Variants in SRSF3 observed in about 807,000 individuals in gnomAD.
The protein encoded by SRSF3 is serine and arginine rich splicing factor 3.
For missense variants in SRSF3, 58 were observed against 217.1 expected (o/e 0.27, Z 4.61); for synonymous variants, 87 against 73.6 (o/e 1.18, Z -0.93).
chr6:36,596,574 C>CGGGGGGGGGGGGGGGGGGGGGGGGG (rs34650091), intron 1 of SRSF3, among the ~76,000 whole-genome samples, 187 bp from the exon 2 acceptor site: 2 of 91,958 alleles, frequency 2.2e-5, no homozygotes, highest in South Asian at 3.9e-4. Context: ...GGCGGGGTGG[C>CGGGGGGGGGGGGGGGGGGGGGGGGG]GGGGGGGGGG....
chr6:36,601,686 T>A, intron 4 of SRSF3, 22 bp from the exon 5 acceptor site: 1 of 1,576,298 alleles, frequency 6.3e-7, no homozygotes, highest in South Asian at 1.1e-5. Context: ...TCATTGGTCC[T>A]AATGTTTTTT....
Position 36,603,570 on chromosome 6 carries a change from ATTAT to A in SRSF3, c.*1588_*1591del, listed in dbSNP as rs567436963. 1.4e-3 allele frequency: 328 copies of A among 228,340 alleles called. 1 individual carries two copies. The highest frequency in any genetic ancestry group is 6.1e-3 in the African/African-American group (274 of 45,220). The allele number at this position is 228,340 out of a possible 1,614,324, so 14.1% of individuals were successfully genotyped here. ...ACATTAAGATACAGTTCCTAAACAA[ATTAT>A]TTATTTCCACCTTTTACACAAATCT... On this transcript the variant is annotated 3_prime_UTR_variant, in exon 6 of 6. Coordinates refer to ENST00000373715, the MANE Select transcript of SRSF3 (RefSeq NM_003017.5).
At chr6:36,595,605 T>C (rs926393331) in intron 1 of SRSF3, among the ~76,000 whole-genome samples, 2 of 152,368 alleles carry the variant, frequency 1.3e-5, no homozygotes, top group Non-Finnish European at 2.9e-5. Flanking sequence ...CTTTTATGTC[T>C]GGCTTCTTTA....
intron 1 of SRSF3, among the ~76,000 whole-genome samples, chr6:36,596,354 TTTTA>T (rs1372674487): frequency 1.3e-5 from 2 of 152,168 alleles, no homozygotes; most frequent in African/African-American, 2.4e-5. Context: ...TTCATCATTG[TTTTA>T]TTTAGTTTTG....
intron 1 of SRSF3, 95 bp from the exon 2 acceptor site, chr6:36,596,664 ACT>A (rs1778635496): frequency 8.1e-6 from 9 of 1,115,792 alleles, no homozygotes; most frequent in South Asian, 2.7e-5. Context: ...GCTACCTTAA[ACT>A]CTCTTGTCCT....
rs1778729567 is a variant in SRSF3 at position 36,602,228 on chromosome 6, CA to C, written c.*243del. 4.0e-6 allele frequency: 3 copies of C among 745,796 alleles called. No homozygotes were observed. The highest frequency in any genetic ancestry group is 6.2e-5 in the East Asian group (2 of 32,156). The allele number at this position is 745,796 out of a possible 1,614,324, so 46.2% of individuals were successfully genotyped here. A position where few individuals can be genotyped will look rare whatever the true frequency, so the allele number is the denominator to read the frequency against. ...TGTTACTTTACAATGTTCCCTTAAG[CA>C]AAATTGAATTTGCTTTGAACTTTTA... On this transcript the variant is annotated 3_prime_UTR_variant, in exon 6 of 6. Coordinates refer to ENST00000373715, the MANE Select transcript of SRSF3 (RefSeq NM_003017.5).
In SRSF3 at chr6:36,602,209, T is replaced by G; in HGVS notation, c.*220T>G. ...GGCATGTAATACCAAGAATTGTTAC[T>G]TTACAATGTTCCCTTAAGCAAAATT... On this transcript the variant is annotated 3_prime_UTR_variant, in exon 6 of 6. Coordinates refer to ENST00000373715, the MANE Select transcript of SRSF3 (RefSeq NM_003017.5). The G allele has an allele frequency of 1.1e-6, 1 of 905,826 alleles. No individual in the cohort carries two copies. Among genetic ancestry groups the G allele is most frequent in the Non-Finnish European group, 1.5e-6 (1 of 649,858 alleles). The allele number at this position is 905,826 out of a possible 1,614,324, so 56.1% of individuals were successfully genotyped here. A position where few individuals can be genotyped will look rare whatever the true frequency, so the allele number is the denominator to read the frequency against.
At chr6:36,597,840 C>A (rs183477669) in intron 2 of SRSF3, among the ~76,000 whole-genome samples, 2,267 of 127,920 alleles carry the variant, frequency 0.018, 26 homozygotes, top group Non-Finnish European at 0.026. Flanking sequence ...GCTATAATTT[C>A]TTTTTTTAAA....
chr6:36,600,977 C>CCTTTTTTTTCTTTT (rs1411810476), intron 3 of SRSF3, 175 bp from the exon 4 acceptor site: 1 of 465,364 alleles, frequency 2.1e-6, no homozygotes, highest in South Asian at 3.9e-5. Context: ...TCCTTCTGTG[C>CCTTTTTTTTCTTTT]CTTTTTTTTC....
chr6:36,597,058 C>A, intron 2 of SRSF3, 90 bp downstream of exon 2: 2 of 1,040,844 alleles, frequency 1.9e-6, no homozygotes, highest in Non-Finnish European at 2.9e-6. Flanking sequence ...ATGGCTTTCC[C>A]AATCACTGGC....
At chr6:36,595,174 C>A (rs1562011080) in intron 1 of SRSF3, among the ~76,000 whole-genome samples, 1 of 152,180 alleles carries the variant, frequency 6.6e-6, no homozygotes, top group African/African-American at 2.4e-5. Context: ...TTATGGAAAG[C>A]ACTTCAGCTG....
chr6:36,598,745 CT>C, intron 2 of SRSF3, 103 bp from the exon 3 acceptor site: 1 of 1,325,548 alleles, frequency 7.5e-7, no homozygotes, highest in South Asian at 1.4e-5. Context: ...TGCACAGACA[CT>C]TAGGTGTGTT....
chr6:36,597,601 G>GC (rs1374112224), intron 2 of SRSF3, among the ~76,000 whole-genome samples: 1 of 152,038 alleles, frequency 6.6e-6, no homozygotes, highest in East Asian at 1.9e-4. Flanking sequence ...TGACCTCCAT[G>GC]CCCCCACCCC....
intron 2 of SRSF3, among the ~76,000 whole-genome samples, chr6:36,597,360 C>G (rs1778648103): frequency 6.6e-6 from 1 of 152,090 alleles, no homozygotes; most frequent in South Asian, 2.1e-4. Flanking sequence ...ACCGCCTTGA[C>G]CTCCCAAAGT....
intron 1 of SRSF3, among the ~76,000 whole-genome samples, chr6:36,596,245 A>G (rs2127504577): frequency 6.6e-6 from 1 of 152,188 alleles, no homozygotes; most frequent in South Asian, 2.1e-4. Flanking sequence ...TTTAAAAGTG[A>G]AAATCGTTGG....
Position 36,605,274 on chromosome 6 carries a change from G to A in SRSF3, c.*3285G>A, listed in dbSNP as rs2127507841. 1 of 152,290 alleles carries A rather than the reference G, an allele frequency of 6.6e-6. No homozygotes were observed. The allele number at this position is 152,290 out of a possible 1,614,324, so 9.4% of individuals were successfully genotyped here. ...GGAGGTTGAGGCAGGTGGATCACTT[G>A]TGGTCAGGAGTTGGAGACCAGCTTG... On this transcript the variant is annotated 3_prime_UTR_variant, in exon 6 of 6. Transcript: ENST00000373715.
intron 3 of SRSF3, chr6:36,599,699 A>G: frequency 1.3e-6 from 1 of 763,826 alleles, no homozygotes; most frequent in Non-Finnish European, 2.0e-6. Flanking sequence ...AAACAACAGC[A>G]CACTGTTGCC....
Position 36,601,203 on chromosome 6 carries a change from C to CT in SRSF3, c.380+19dup. The CT allele has an allele frequency of 6.2e-7, 1 of 1,613,004 alleles. No individual in the cohort carries two copies. The highest frequency in any genetic ancestry group is 1.3e-5 in the African/African-American group (1 of 74,838). On this transcript the variant is annotated intron_variant, in intron 4 of 5. Coordinates refer to ENST00000373715, the MANE Select transcript of SRSF3 (RefSeq NM_003017.5). The stretch of plus-strand genomic sequence containing the variant: ...GCAGCCGGAGCAGGTAAATGACTAC[C>CT]TTTTTTGGCTACGTTCTTAGAAATG...
intron 4 of SRSF3, 148 bp from the exon 5 acceptor site, chr6:36,601,560 T>A (rs1778716806): frequency 2.3e-5 from 17 of 726,560 alleles, no homozygotes; most frequent in Non-Finnish European, 3.5e-5. Context: ...TCCAATCTGT[T>A]CTCAAACTCT....
Sources: gnomAD v4.1 joint callset for allele counts (sites outside exome capture counted in the v4.1 genomes callset) on GRCh38, gnomAD v4.1.1 for gene constraint, MANE v1.5 for transcripts, NCBI Gene and HGNC (gene_info 2026-07-23, HGNC 2026-07-21) for gene names.